ZNF33A: variants seen among roughly 807,000 people sequenced by gnomAD.
ZNF33A encodes brain my041 protein.
ZNF33A carries 9 observed loss-of-function variants against 15.9 expected under a neutral mutation model. The observed-to-expected ratio is 0.57, with a 90% confidence interval of 0.34 to 0.99. The LOEUF (loss-of-function observed/expected upper bound fraction) is 0.99, where lower values mean the gene tolerates loss of function less well. Ranked by LOEUF, ZNF33A falls within the 50% of genes least tolerant of loss-of-function variation. The pLI is 0.02. For missense variants in ZNF33A, 843 were observed against 941.6 expected (o/e 0.90, Z 1.37); for synonymous variants, 294 against 324.2 (o/e 0.91, Z 1.00).
intron 4 of ZNF33A, chr10:38,043,844 C>A (rs568462860): frequency 6.6e-6 from 1 of 150,878 alleles, no homozygotes; most frequent in African/African-American, 2.4e-5. Context: ...AACAGATGTG[C>A]AAGTTTTTGG....
chr10:38,062,973 A>G (rs984676599), downstream of ZNF33A, among the ~76,000 whole-genome samples: 3 of 135,462 alleles, frequency 2.2e-5, no homozygotes, highest in Non-Finnish European at 4.6e-5. Context: ...GCTGCACTCC[A>G]GCCTGGACGA....
chr10:38,036,716 A>G (rs1357888255), intron 4 of ZNF33A, among the ~76,000 whole-genome samples: 4 of 152,200 alleles, frequency 2.6e-5, no homozygotes, highest in African/African-American at 4.8e-5. Context: ...CTCTTACTCA[A>G]CATCTCATTG....
intron 4 of ZNF33A, among the ~76,000 whole-genome samples, chr10:38,040,656 T>C (rs909269947): frequency 1.3e-5 from 2 of 152,330 alleles, no homozygotes; most frequent in African/African-American, 4.8e-5. Context: ...ATATATCTTT[T>C]TCTGTCTTCA....
chr10:38,045,000 G>C (rs1381588273), intron 4 of ZNF33A, among the ~76,000 whole-genome samples: 8 of 152,198 alleles, frequency 5.3e-5, no homozygotes, highest in Non-Finnish European at 1.5e-5. Context: ...TTTGAGGTCA[G>C]CTAAGTCTGA....
intron 4 of ZNF33A, among the ~76,000 whole-genome samples, chr10:38,045,290 A>T (rs1031074394): frequency 6.6e-6 from 1 of 152,168 alleles, no homozygotes; most frequent in African/African-American, 2.4e-5. Context: ...GGAAATGCAC[A>T]CTATCTTTGG....
downstream of ZNF33A, among the ~76,000 whole-genome samples, chr10:38,063,544 C>T (rs1332787853): frequency 6.6e-6 from 1 of 152,078 alleles, no homozygotes; most frequent in Non-Finnish European, 1.5e-5. Context: ...TTTGCATTTC[C>T]TTGTCATGTT....
chr10:38,029,702 G>A (rs1427467783), intron 4 of ZNF33A, among the ~76,000 whole-genome samples: 2 of 152,146 alleles, frequency 1.3e-5, no homozygotes, highest in East Asian at 3.9e-4. Context: ...GGAAAAATGT[G>A]ACCTATGCAC....
intron 4 of ZNF33A, among the ~76,000 whole-genome samples, chr10:38,045,228 T>A (rs1048571896): frequency 2.6e-5 from 4 of 152,224 alleles, no homozygotes; most frequent in Non-Finnish European, 4.4e-5. Flanking sequence ...AGAGAAGCTT[T>A]TTCACTCCCA....
downstream of ZNF33A, among the ~76,000 whole-genome samples, chr10:38,067,059 T>C (rs2066715584): frequency 6.6e-6 from 1 of 152,200 alleles, no homozygotes; most frequent in East Asian, 1.9e-4. Flanking sequence ...GTAATATTGG[T>C]TCCAGGTATC....
chr10:38,037,529 T>C (rs1055251420), intron 4 of ZNF33A, among the ~76,000 whole-genome samples: 1 of 152,014 alleles, frequency 6.6e-6, no homozygotes, highest in Non-Finnish European at 1.5e-5. Context: ...TTTCGTCATA[T>C]TGGCCAGGCT....
chr10:38,056,672 A>C lies in ZNF33A; in HGVS notation c.*112A>C. 7.1e-7 allele frequency: 1 copy of C among 1,414,130 alleles called. No individual in the cohort carries two copies. Among genetic ancestry groups the C allele is most frequent in the South Asian group, 1.9e-5 (1 of 53,660 alleles). The allele number at this position is 1,414,130 out of a possible 1,614,324, so 87.6% of individuals were successfully genotyped here. ...AGGAAGTGATATTCTATGTAATATC[A>C]GATGGTTAATACGGGCATAACACCT... On this transcript the variant is annotated 3_prime_UTR_variant, in exon 5 of 5. Transcript: ENST00000432900.
chr10:38,055,851 C>A lies in ZNF33A; in HGVS notation c.1727C>A (p.Thr576Lys). 6.2e-7 allele frequency: 1 copy of A among 1,614,088 alleles called. No homozygotes were observed. The highest frequency in any genetic ancestry group is 8.5e-7 in the Non-Finnish European group (1 of 1,179,998). The part of the protein sequence containing the change: ...STLSQHYRTH[T>K]GEKPYECHEC... ...CTCTCTCAACATTATAGAACACACA[C>A]AGGGGAGAAACCCTACGAATGTCAT... Residue 576 changes from threonine to lysine, a missense_variant, in exon 5 of 5, where the codon ACA becomes AAA. Coordinates refer to ENST00000432900, the MANE Select transcript of ZNF33A (RefSeq NM_006954.2).
At chr10:38,047,830 T>G (rs11816860) in intron 4 of ZNF33A, among the ~76,000 whole-genome samples, 1 of 151,914 alleles carries the variant, frequency 6.6e-6, no homozygotes, top group African/African-American at 2.4e-5. Context: ...CATCAAACCC[T>G]GAGCACAAGA....
chr10:38,043,529 G>C (rs1682316412), intron 4 of ZNF33A, among the ~76,000 whole-genome samples: 1 of 151,270 alleles, frequency 6.6e-6, no homozygotes. Context: ...ATAGCTGTGT[G>C]ACCCCAGGTC....
In ZNF33A at chr10:38,057,162, T is replaced by G. The variant is rs2066520402; in HGVS notation, c.*602T>G. On this transcript the variant is annotated 3_prime_UTR_variant, in exon 5 of 5. Coordinates refer to ENST00000432900, the MANE Select transcript of ZNF33A (RefSeq NM_006954.2). Reference sequence around the variant, plus strand: ...TGTGTGTGTGGTTATATCAAACTTTTACGACTTTTACATTTGAGTAACCAT... The same window carrying G: ...TGTGTGTGTGGTTATATCAAACTTTGACGACTTTTACATTTGAGTAACCAT... The G allele has an allele frequency of 6.3e-6, 6 of 958,974 alleles. No individual in the cohort carries two copies. Among genetic ancestry groups the G allele is most frequent in the Non-Finnish European group, 7.4e-6 (6 of 805,510 alleles). The allele number at this position is 958,974 out of a possible 1,614,324, so 59.4% of individuals were successfully genotyped here.
downstream of ZNF33A, among the ~76,000 whole-genome samples, chr10:38,067,784 A>G (rs2066721434): frequency 6.6e-6 from 1 of 152,222 alleles, no homozygotes; most frequent in Non-Finnish European, 1.5e-5. Flanking sequence ...AAAGGGAGAC[A>G]TTGAACGAAA....
At chr10:38,032,464 A>G (rs1347865937) in intron 4 of ZNF33A, among the ~76,000 whole-genome samples, 1 of 152,046 alleles carries the variant, frequency 6.6e-6, no homozygotes, top group Non-Finnish European at 1.5e-5. Flanking sequence ...TTTTTTTGAG[A>G]TGGAGTCTTG....
chr10:38,033,293 T>C (rs2065292553), intron 4 of ZNF33A, among the ~76,000 whole-genome samples: 1 of 152,232 alleles, frequency 6.6e-6, no homozygotes, highest in Admixed American at 6.5e-5. Context: ...ATATTTCACT[T>C]GTTTTTTATG....
At position 38,056,173 on chromosome 10, in the gene ZNF33A, TGAGA is replaced by T. The variant is rs1418044444; in HGVS notation, c.2052_2055del (p.Arg685SerfsTer87). ...GTGTAAAATCAGGACTTATTTTCCA[TGAGA>T]GAAAGCACACGGGGGAGAAACCCTA... is the stretch of plus-strand genomic sequence containing the variant. On this transcript the variant is annotated frameshift_variant, in exon 5 of 5. Transcript: ENST00000432900. LOFTEE classifies it low-confidence loss of function (END_TRUNC). The T allele has an allele frequency of 6.2e-7, 1 of 1,614,026 alleles. No homozygotes were observed. The highest frequency in any genetic ancestry group is 8.5e-7 in the Non-Finnish European group (1 of 1,180,004).
Sources: gnomAD v4.1 joint callset for allele counts (sites outside exome capture counted in the v4.1 genomes callset) on GRCh38, gnomAD v4.1.1 for gene constraint, MANE v1.5 for transcripts, NCBI Gene and HGNC (gene_info 2026-07-23, HGNC 2026-07-21) for gene names.